POLR3D: variants seen among roughly 807,000 people sequenced by gnomAD.
The protein encoded by POLR3D is RNA polymerase III subunit D.
POLR3D carries 42 observed loss-of-function variants against 44.5 expected under a neutral mutation model. That is an observed-to-expected ratio of 0.94 (90% CI 0.74 to 1.22). The LOEUF (loss-of-function observed/expected upper bound fraction) is 1.22. Ranked by LOEUF, POLR3D falls within the 50% of genes most tolerant of loss-of-function variation. POLR3D has a pLI of 0.00. For missense variants in POLR3D, 507 were observed against 505.2 expected (o/e 1.00, Z -0.03); for synonymous variants, 217 against 198.1 (o/e 1.10, Z -0.80).
intron 2 of POLR3D, among the ~76,000 whole-genome samples, chr8:22,246,581 G>T (rs1056225792): frequency 2.0e-5 from 3 of 152,102 alleles, no homozygotes; most frequent in African/African-American, 7.2e-5. Flanking sequence ...GAGTAGCTGG[G>T]ATTACAGGGG....
chr8:22,247,108 C>A, intron 2 of POLR3D, 113 bp from the exon 3 acceptor site: 1 of 726,162 alleles, frequency 1.4e-6, no homozygotes, highest in Non-Finnish European at 2.4e-6. Flanking sequence ...AATGTGCCAA[C>A]GAGAGCCGTG....
chr8:22,250,525 C>T lies in POLR3D; in HGVS notation c.*7C>T, dbSNP rs562375694. ...GGATCACAAACACCGGTAAAATGAG[C>T]AGGTGGAGGAGGACGGCGCCTGTGC... On this transcript the variant is annotated 3_prime_UTR_variant, in exon 9 of 9. Transcript: ENST00000306433. 5.6e-6 allele frequency: 9 copies of T among 1,614,116 alleles called. No individual in the cohort carries two copies. The South Asian group carries it at 6.6e-5, about 12-fold the overall frequency.
At chr8:22,245,406 C>T in intron 1 of POLR3D, 39 bp from the exon 2 acceptor site, 2 of 1,309,568 alleles carry the variant, frequency 1.5e-6, no homozygotes, top group Non-Finnish European at 2.0e-6. Context: ...GTCCGCGTGT[C>T]AGTCCCCTCT....
chr8:22,251,731 C>G lies in POLR3D; in HGVS notation c.*1213C>G, dbSNP rs1830107216. On this transcript the variant is annotated 3_prime_UTR_variant, in exon 9 of 9. Coordinates refer to ENST00000306433, the MANE Select transcript of POLR3D (RefSeq NM_001722.3). The stretch of plus-strand genomic sequence containing the variant: ...TTACCAGGTCATTGTACTGTGTTGT[C>G]CCTGGAGGAACAGCTTCTCCTCTTG... 6.6e-6 allele frequency: 1 copy of G among 152,360 alleles called. No homozygotes were observed. The highest frequency in any genetic ancestry group is 1.5e-5 in the Non-Finnish European group (1 of 68,066). The allele number at this position is 152,360 out of a possible 1,614,324, so 9.4% of individuals were successfully genotyped here.
intron 5 of POLR3D, 94 bp from the exon 6 acceptor site, chr8:22,248,387 G>T: frequency 2.5e-6 from 4 of 1,572,048 alleles, no homozygotes; most frequent in Non-Finnish European, 2.6e-6. Flanking sequence ...GAATCCTGGG[G>T]AGCAGCGGAA....
rs762965410 is a variant in POLR3D at position 22,248,202 on chromosome 8, T to A, written c.410T>A (p.Ile137Asn). 1.4e-5 allele frequency: 23 copies of A among 1,614,022 alleles called. No homozygotes were observed. Among genetic ancestry groups the A allele is most frequent in the Non-Finnish European group, 1.9e-5 (22 of 1,180,026 alleles). The change falls in exon 5 of 9, where the codon ATC becomes AAC. Residue 137 changes from isoleucine to asparagine, a missense_variant. Coordinates refer to ENST00000306433, the MANE Select transcript of POLR3D (RefSeq NM_001722.3). ...GTGTCAGACATGGGACCTTCTCATA[T>A]CATCAACATCAAAAAAGAGAAGAGA... ...VDVSDMGPSH[I>N]INIKKEKRET... is the part of the protein sequence containing the mutation.
At position 22,247,768 on chromosome 8, in the gene POLR3D, G is replaced by A. The variant is rs1586507128; in HGVS notation, c.210-89G>A. The A allele has an allele frequency of 7.2e-6, 9 of 1,250,918 alleles. No individual in the cohort carries two copies. The East Asian group carries it at 2.1e-4, about 29-fold the overall frequency. The allele number at this position is 1,250,918 out of a possible 1,614,324, so 77.5% of individuals were successfully genotyped here. A position where few individuals can be genotyped will look rare whatever the true frequency, so the allele number is the denominator to read the frequency against. On this transcript the variant is annotated intron_variant, in intron 3 of 8. Transcript: ENST00000306433. The stretch of plus-strand genomic sequence containing the variant: ...TAAATATTGGCTCAAACTCTCCACT[G>A]TTTTGGAGTGAAGTGGTATGGGAGA...
chr8:22,245,295 G>A (rs1830026345), intron 1 of POLR3D, 112 bp downstream of exon 1: 1 of 538,052 alleles, frequency 1.9e-6, no homozygotes, highest in Non-Finnish European at 3.1e-6. Context: ...CACCTGGGTG[G>A]TCCCGGGAGT....
At chr8:22,249,690 C>T (rs138039106) in intron 7 of POLR3D, among the ~76,000 whole-genome samples, 2,985 of 152,126 alleles carry the variant, frequency 0.02, 44 homozygotes, top group East Asian at 0.058. Flanking sequence ...GGCATGGTGG[C>T]GTGTGCCTGT....
At chr8:22,248,302 A>G (rs1373532327) in intron 5 of POLR3D, 24 bp downstream of exon 5, 1 of 1,611,108 alleles carries the variant, frequency 6.2e-7, no homozygotes, top group Non-Finnish European at 8.5e-7. Flanking sequence ...GGCTGGGGGA[A>G]GGGGTTTCCT....
rs551753769 is a variant in POLR3D at position 22,249,332 on chromosome 8, G to A, written c.921+23G>A. 909 of 1,607,474 alleles carry A rather than the reference G, an allele frequency of 5.7e-4. 7 individuals are homozygous for A. In the South Asian group the frequency reaches 9.1e-3, roughly 16 times the overall value. On this transcript the variant is annotated intron_variant, in intron 7 of 8. Transcript: ENST00000306433. ...CGAGTACGCTCAGACAGAGGCCTGC[G>A]GGAATCAAGTCGGGGACTGGGACGG...
At chr8:22,246,553 C>G (rs1411527059) in intron 2 of POLR3D, among the ~76,000 whole-genome samples, 4 of 152,146 alleles carry the variant, frequency 2.6e-5, no homozygotes, top group African/African-American at 9.7e-5. Flanking sequence ...TCAAGCGATT[C>G]TCCTGCCTCA....
chr8:22,245,366 C>A, intron 1 of POLR3D, 79 bp from the exon 2 acceptor site: 1 of 1,131,194 alleles, frequency 8.8e-7, no homozygotes, highest in Non-Finnish European at 1.1e-6. Flanking sequence ...ACTGGGGGAC[C>A]GGAAAGCAAG....
chr8:22,248,258 C>G lies in POLR3D; in HGVS notation c.466C>G (p.Arg156Gly), dbSNP rs374647731. 4 of 1,613,904 alleles carry G rather than the reference C, an allele frequency of 2.5e-6. No homozygotes were observed. The highest frequency in any genetic ancestry group is 2.5e-6 in the Non-Finnish European group (3 of 1,179,996). The change falls in exon 5 of 9, where the codon CGT (arginine) becomes GGT (glycine). Residue 156 changes from arginine (R) to glycine (G), a missense_variant. Physicochemically the swap from Arg to Gly is moderately radical, Grantham distance 125. Coordinates refer to ENST00000306433, the MANE Select transcript of POLR3D (RefSeq NM_001722.3). ...ETDEETKQILRMLEKDDFLDD... is the reference protein window; with the variant it reads ...ETDEETKQILGMLEKDDFLDD... ...AGACGAAGAAACTAAACAGATCTTG[C>G]GTATGCTGGAGAAGGACGATGTGGG...
intron 7 of POLR3D, among the ~76,000 whole-genome samples, chr8:22,249,694 TG>T (rs1287060555): frequency 6.6e-6 from 1 of 152,128 alleles, no homozygotes; most frequent in African/African-American, 2.4e-5. Context: ...TGGTGGCGTG[TG>T]CCTGTAGTCC....
intron 2 of POLR3D, among the ~76,000 whole-genome samples, 168 bp downstream of exon 2, chr8:22,245,782 C>T (rs78820134): frequency 6.6e-6 from 1 of 152,304 alleles, no homozygotes; most frequent in African/African-American, 2.4e-5. Flanking sequence ...AATCTAGGTA[C>T]TGAGTACAAG....
chr8:22,250,040 C>T, intron 7 of POLR3D, 35 bp from the exon 8 acceptor site: 2 of 1,611,804 alleles, frequency 1.2e-6, no homozygotes, highest in African/African-American at 1.3e-5. Flanking sequence ...GAAAGAGCTC[C>T]TAGCCCAGTG....
chr8:22,247,037 C>G (rs1253257805), intron 2 of POLR3D, among the ~76,000 whole-genome samples, 184 bp from the exon 3 acceptor site: 2 of 152,212 alleles, frequency 1.3e-5, no homozygotes, highest in Non-Finnish European at 2.9e-5. Flanking sequence ...CCACTGCTAC[C>G]ACACTATGAC....
In POLR3D at chr8:22,248,458, A is replaced by G. The variant is rs750053996; in HGVS notation, c.487-23A>G. 3.7e-6 allele frequency: 6 copies of G among 1,610,856 alleles called. No homozygotes were observed. The East Asian group carries it at 1.3e-4, about 36-fold the overall frequency. ...CCAGGTGCATGTGCTAGCAGGCTGG[A>G]TGACCCAGACTCTCTTTGGCAGTTC... On this transcript the variant is annotated intron_variant, in intron 5 of 8. Coordinates refer to ENST00000306433, the MANE Select transcript of POLR3D (RefSeq NM_001722.3).
Sources: allele counts gnomAD v4.1 joint callset (sites outside exome capture counted in the v4.1 genomes callset), GRCh38; gene constraint gnomAD v4.1.1; transcripts MANE v1.5; gene names NCBI Gene and HGNC (gene_info 2026-07-23, HGNC 2026-07-21).